RNF17: variants seen among roughly 807,000 people sequenced by gnomAD.
RNF17 encodes the protein ring finger protein 17.
A neutral mutation model predicts 200.5 loss-of-function variants in RNF17; 31 were observed. The ratio of observed to expected loss-of-function variants is 0.15; its 90% confidence interval spans 0.12 to 0.21. The LOEUF (loss-of-function observed/expected upper bound fraction) is 0.21. RNF17 is among the 10% of genes least tolerant of loss of function. The pLI, the probability that RNF17 is intolerant of heterozygous loss-of-function variation, is 1.00. For missense variants in RNF17, 1,628 were observed against 1,905.1 expected (o/e 0.85, Z 2.71); for synonymous variants, 606 against 637.8 (o/e 0.95, Z 0.75).
At chr13:24,860,587 G>A (rs1411386623) in intron 26 of RNF17, among the ~76,000 whole-genome samples, 2 of 152,006 alleles carry the variant, frequency 1.3e-5, no homozygotes, top group African/African-American at 2.4e-5. Context: ...ATTAAACAGT[G>A]ATATGTTCAT....
intron 4 of RNF17, among the ~76,000 whole-genome samples, 164 bp from the exon 5 acceptor site, chr13:24,779,503 G>A (rs1470501563): frequency 2.0e-5 from 3 of 152,162 alleles, no homozygotes; most frequent in African/African-American, 7.2e-5. Context: ...CAGGTTAGCA[G>A]GATTGAATGT....
intron 24 of RNF17, among the ~76,000 whole-genome samples, chr13:24,852,946 TTCTGTTG>T (rs1892097906): frequency 3.3e-5 from 5 of 152,224 alleles, no homozygotes; most frequent in South Asian, 4.1e-4. Context: ...CAGAGTCTCA[TTCTGTTG>T]CCCAGGCTTG....
At chr13:24,882,493 G>GT (rs397718122), downstream of RNF17, 52,271 of 151,826 alleles carry the variant, frequency 0.34, 9,692 homozygotes, top group Admixed American at 0.43. Flanking sequence ...TCTCACTGTG[G>GT]TAACATCAGG....
At position 24,781,712 on chromosome 13, in the gene RNF17, T is replaced by G. The variant is rs1182323994; in HGVS notation, c.511-132T>G. 7 of 609,836 alleles carry G rather than the reference T, an allele frequency of 1.1e-5. No homozygotes were observed. In the Admixed American group the frequency reaches 2.2e-4, roughly 19 times the overall value. The allele number at this position is 609,836 out of a possible 1,614,324, so 37.8% of individuals were successfully genotyped here. A position where few individuals can be genotyped will look rare whatever the true frequency, so the allele number is the denominator to read the frequency against. On this transcript the variant is annotated intron_variant, in intron 5 of 35. Coordinates refer to ENST00000255324, the MANE Select transcript of RNF17 (RefSeq NM_031277.3). ...GTTGAACCTTGTGACTTATTCTATT[T>G]ATATTATTATCTCTTTACCTCTTGT...
Position 24,832,080 on chromosome 13 carries a change from G to T in RNF17, c.2482+102G>T, listed in dbSNP as rs556323739. On this transcript the variant is annotated intron_variant, in intron 18 of 35. Transcript: ENST00000255324. ...GAATAAATTCAGTGTGCCATCAGTA[G>T]TGGTGGTGAGAGATAAGATTTGTTG... 3 of 777,318 alleles carry T rather than the reference G, an allele frequency of 3.9e-6. No individual in the cohort carries two copies. The South Asian group carries it at 6.5e-5, about 17-fold the overall frequency. 48.2% of individuals were successfully genotyped at this position (777,318 alleles called of 1,614,324 possible). A position where few individuals can be genotyped will look rare whatever the true frequency, so the allele number is the denominator to read the frequency against.
chr13:24,835,700 A>G (rs1889914288), intron 18 of RNF17, among the ~76,000 whole-genome samples: 1 of 152,222 alleles, frequency 6.6e-6, no homozygotes, highest in Non-Finnish European at 1.5e-5. Context: ...CTTCCCTCTG[A>G]CAGAGCCTAT....
chr13:24,845,178 A>G (rs1295259116), intron 22 of RNF17, 99 bp downstream of exon 22: 1 of 688,674 alleles, frequency 1.5e-6, no homozygotes, highest in Non-Finnish European at 2.4e-6. Flanking sequence ...TTTTCCTAAA[A>G]TCTAGTTAAT....
chr13:24,883,739 T>C (rs1176897693), downstream of RNF17, among the ~76,000 whole-genome samples: 2 of 152,216 alleles, frequency 1.3e-5, no homozygotes, highest in African/African-American at 4.8e-5. Flanking sequence ...GGAAGGGGCA[T>C]GATCAGACTT....
chr13:24,799,056 A>G (rs1238535015), intron 11 of RNF17, among the ~76,000 whole-genome samples: 1 of 152,190 alleles, frequency 6.6e-6, no homozygotes, highest in Non-Finnish European at 1.5e-5. Flanking sequence ...CAGTGTAATT[A>G]TGGTAATTAA....
rs899352115 is a variant in RNF17 at position 24,764,888 on chromosome 13, G to GGGGGGTGTGT, written c.130+556_130+557insGGGGTGTGTG. Among the ~76,000 whole-genome samples, 35 of 134,172 alleles carry GGGGGGTGTGT rather than the reference G, an allele frequency of 2.6e-4. No homozygotes were observed. The East Asian group carries it at 5.9e-3, about 23-fold the overall frequency. 88.0% of individuals were successfully genotyped at this position (134,172 alleles called of 152,430 possible). On this transcript the variant is annotated intron_variant, in intron 1 of 35. Coordinates refer to ENST00000255324, the MANE Select transcript of RNF17 (RefSeq NM_031277.3). ...ATAGTTTCTTTTGTGCACCTTGTGG[G>GGGGGGTGTGT]GTGTGTGTGTGTGTGTGTGTGTGTG... is the stretch of plus-strand genomic sequence containing the variant.
chr13:24,775,317 A>G (rs7490656), intron 3 of RNF17, among the ~76,000 whole-genome samples: 35,101 of 152,128 alleles, frequency 0.23, 4,541 homozygotes, highest in Non-Finnish European at 0.29. Flanking sequence ...GGTTTTGATC[A>G]TGGCTCACTG....
At chr13:24,840,045 A>T (rs1318759995) in intron 18 of RNF17, among the ~76,000 whole-genome samples, 1 of 151,964 alleles carries the variant, frequency 6.6e-6, no homozygotes, top group Non-Finnish European at 1.5e-5. Context: ...AGAAAAAAAA[A>T]TACCAAAAAG....
chr13:24,882,727 G>A (rs549323011), downstream of RNF17: 1 of 168,354 alleles, frequency 5.9e-6, no homozygotes, highest in Admixed American at 5.9e-5. Flanking sequence ...AGATCAAATG[G>A]TCTAATTTTG....
At chr13:24,851,956 A>G (rs1891941202) in intron 24 of RNF17, among the ~76,000 whole-genome samples, 1 of 152,132 alleles carries the variant, frequency 6.6e-6, no homozygotes, top group African/African-American at 2.4e-5. Flanking sequence ...TACCTACTAG[A>G]TGTATTTATA....
intron 3 of RNF17, 52 bp downstream of exon 3, chr13:24,774,956 A>G (rs780072359): frequency 8.6e-7 from 1 of 1,156,220 alleles, no homozygotes; most frequent in Admixed American, 1.9e-5. Flanking sequence ...TGTTACTGAA[A>G]TAGTTTTAGA....
chr13:24,812,687 T>TCCCGC (rs1566168476), intron 15 of RNF17, among the ~76,000 whole-genome samples: 1 of 24,732 alleles, frequency 4.0e-5, no homozygotes, highest in Non-Finnish European at 9.1e-5. Flanking sequence ...CCACCCCCTT[T>TCCCGC]TTTTTTTTTT....
chr13:24,814,879 C>G (rs1887191602), intron 15 of RNF17, among the ~76,000 whole-genome samples: 1 of 152,088 alleles, frequency 6.6e-6, no homozygotes, highest in Non-Finnish European at 1.5e-5. Flanking sequence ...TTTCTGTTTC[C>G]CCAAGAAATA....
the RNF17 span, among the ~76,000 whole-genome samples, chr13:24,886,776 G>A: frequency 6.6e-6 from 1 of 152,222 alleles, no homozygotes; most frequent in Admixed American, 6.5e-5. Context: ...CCATTTTATG[G>A]CAAGAAAACC....
At chr13:24,802,816 C>T (rs1005811064) in intron 14 of RNF17, among the ~76,000 whole-genome samples, 8 of 152,020 alleles carry the variant, frequency 5.3e-5, no homozygotes, top group Non-Finnish European at 1.0e-4. Context: ...TGTGGGAGGC[C>T]GAGGAGGGAG....
Sources: allele counts gnomAD v4.1 joint callset (sites outside exome capture counted in the v4.1 genomes callset), GRCh38; gene constraint gnomAD v4.1.1; transcripts MANE v1.5; gene names NCBI Gene and HGNC (gene_info 2026-07-23, HGNC 2026-07-21).